The following NXN variants were observed in gnomAD, a reference collection of about 807,000 sequenced individuals.
NXN encodes the protein nucleoredoxin.
A neutral mutation model predicts 48.6 loss-of-function variants in NXN; 16 were observed. The ratio of observed to expected loss-of-function variants is 0.33; its 90% CI spans 0.22 to 0.50. NXN has a LOEUF of 0.50. Among genes scored for constraint, NXN ranks in the 20% least tolerant of loss-of-function variants. NXN has a pLI of 0.98. For missense variants in NXN, 492 were observed against 605.5 expected (o/e 0.81, Z 1.97); for synonymous variants, 281 against 269.6 (o/e 1.04, Z -0.41).
chr17:926,425 G>A (rs1178567553), intron 1 of NXN, among the ~76,000 whole-genome samples: 3 of 152,146 alleles, frequency 2.0e-5, no homozygotes, highest in Non-Finnish European at 2.9e-5. Context: ...GGGCTCAAGC[G>A]ATCCTCCCGC....
chr17:801,146 AG>A lies in NXN; in HGVS notation c.1126-16del. The A allele has an allele frequency of 6.6e-7, 1 of 1,507,228 alleles. No homozygotes were observed. The highest frequency in any genetic ancestry group is 1.3e-5 in the South Asian group (1 of 76,280). The allele number at this position is 1,507,228 out of a possible 1,614,324, so 93.4% of individuals were successfully genotyped here. On this transcript the variant is annotated splice_polypyrimidine_tract_variant and intron_variant, in intron 7 of 7. Transcript: ENST00000336868. ...GTCATGTCATCCTGAAGCCGTCAGG[AG>A]GGAGAGAAAACCAAGAAGTTTTAAA...
chr17:907,405 T>A (rs1163925644), intron 1 of NXN, among the ~76,000 whole-genome samples: 1 of 151,698 alleles, frequency 6.6e-6, no homozygotes, highest in Non-Finnish European at 1.5e-5. Flanking sequence ...ACTGGAGTGA[T>A]CTCAGCTCAC....
At chr17:923,752 A>G (rs1374190050) in intron 1 of NXN, among the ~76,000 whole-genome samples, 1 of 152,240 alleles carries the variant, frequency 6.6e-6, no homozygotes, top group African/African-American at 2.4e-5. Context: ...GATAAGCAGC[A>G]TAAAAGAAAC....
intron 1 of NXN, among the ~76,000 whole-genome samples, chr17:970,932 C>T (rs9902272): frequency 0.11 from 16,952 of 149,994 alleles, 1,882 homozygotes; most frequent in African/African-American, 0.29. Context: ...GACAGGTCTG[C>T]AGATATGAGA....
intron 1 of NXN, among the ~76,000 whole-genome samples, chr17:936,334 G>C (rs568406258): frequency 6.6e-6 from 1 of 152,016 alleles, no homozygotes; most frequent in Non-Finnish European, 1.5e-5. Context: ...TGGGGTGGAA[G>C]AGCCGCCCTC....
chr17:864,113 C>T (rs1015248565), intron 1 of NXN: 7 of 1,466,102 alleles, frequency 4.8e-6, no homozygotes, highest in Non-Finnish European at 6.3e-6. Context: ...GGCACGTTTA[C>T]CGTTGCTCAC....
intron 1 of NXN, 130 bp from the exon 2 acceptor site, chr17:826,208 T>G: frequency 1.3e-6 from 1 of 743,678 alleles, no homozygotes; most frequent in Non-Finnish European, 2.5e-6. Context: ...GAATAATGGA[T>G]GCCAAGCAGG....
chr17:871,558 C>A (rs1448131315), intron 1 of NXN, among the ~76,000 whole-genome samples: 1 of 151,708 alleles, frequency 6.6e-6, no homozygotes, highest in Non-Finnish European at 1.5e-5. Flanking sequence ...GTACGTGCCA[C>A]CATGCCCAGC....
chr17:971,527 G>A (rs137962082), intron 1 of NXN, among the ~76,000 whole-genome samples: 3,430 of 151,512 alleles, frequency 0.023, 144 homozygotes, highest in African/African-American at 0.079. Context: ...TGGCTAACAC[G>A]GTGAAACCCC....
At chr17:966,219 G>A (rs916838439) in intron 1 of NXN, among the ~76,000 whole-genome samples, 1 of 151,972 alleles carries the variant, frequency 6.6e-6, no homozygotes, top group Admixed American at 6.6e-5. Context: ...CCCACAGCAC[G>A]CGGACACATG....
At chr17:845,450 C>T (rs1198218657) in intron 1 of NXN, among the ~76,000 whole-genome samples, 3 of 151,878 alleles carry the variant, frequency 2.0e-5, no homozygotes, top group African/African-American at 4.8e-5. Flanking sequence ...CCTTTAGGGA[C>T]TCAACATCAG....
At chr17:812,838 G>A (rs58148843) in intron 5 of NXN, among the ~76,000 whole-genome samples, 3,019 of 149,550 alleles carry the variant, frequency 0.02, 116 homozygotes, top group African/African-American at 0.071. Flanking sequence ...GCATGTGTGA[G>A]TGTAGGTGTG....
intron 1 of NXN, chr17:905,270 T>TATATATATATATATATATATATAG (rs1488360942): frequency 4.5e-4 from 68 of 149,480 alleles, no homozygotes; most frequent in South Asian, 2.1e-3. Context: ...TATATATATA[T>TATATATATATATATATATATATAG]ATAGATGCCG....
At chr17:942,474 T>A (rs1300491000) in intron 1 of NXN, among the ~76,000 whole-genome samples, 1 of 59,686 alleles carries the variant, frequency 1.7e-5, no homozygotes, top group Non-Finnish European at 3.7e-5. Flanking sequence ...AGCCATGAAT[T>A]CACCAAACAC....
intron 1 of NXN, among the ~76,000 whole-genome samples, chr17:852,089 A>G (rs2067929689): frequency 6.6e-6 from 1 of 152,218 alleles, no homozygotes; most frequent in African/African-American, 2.4e-5. Context: ...GGCAGCAGTG[A>G]GAAAAGGGAG....
At chr17:915,978 T>A (rs1221347908) in intron 1 of NXN, among the ~76,000 whole-genome samples, 1 of 152,190 alleles carries the variant, frequency 6.6e-6, no homozygotes, top group Admixed American at 6.5e-5. Context: ...AGGCTCAATT[T>A]TAAACCACAT....
intron 5 of NXN, among the ~76,000 whole-genome samples, chr17:806,381 C>T (rs980519487): frequency 1.4e-4 from 21 of 151,830 alleles, no homozygotes; most frequent in African/African-American, 3.1e-4. Context: ...CCAGAAACCG[C>T]GCAACCCCAG....
intron 1 of NXN, chr17:933,543 T>C (rs991896824): frequency 6.6e-6 from 1 of 152,004 alleles, no homozygotes; most frequent in African/African-American, 2.4e-5. Flanking sequence ...TCTGCTTGGA[T>C]ACACACTTTC....
At position 920,325 on chromosome 17, in the gene NXN, G is replaced by T. The variant is rs1175035596; in HGVS notation, c.360+58994C>A. Among the ~76,000 whole-genome samples the T allele has an allele frequency of 6.6e-6, 1 of 152,168 alleles. No individual in the cohort carries two copies. The highest frequency in any genetic ancestry group is 1.5e-5 in the Non-Finnish European group (1 of 68,024). On this transcript the variant is annotated intron_variant, in intron 1 of 7. Coordinates refer to ENST00000336868, the MANE Select transcript of NXN (RefSeq NM_022463.5). This position sits in a 1 kb window ranked among gnomAD's most constrained non-coding sequence, Gnocchi z 4.6. ...AACATCAAGTGATTGTTCAAATTCA[G>T]CCAAGGGGGCCGATGAGGTGCCCAT...
Sources: allele counts gnomAD v4.1 joint callset (sites outside exome capture counted in the v4.1 genomes callset), GRCh38; gene constraint gnomAD v4.1.1; non-coding constraint Gnocchi (gnomAD v3.1); transcripts MANE v1.5; gene names NCBI Gene and HGNC (gene_info 2026-07-23, HGNC 2026-07-21).